Variants in POLQ observed in about 807,000 individuals in gnomAD.
POLQ encodes the protein DNA polymerase theta, also known as epididymis secretory sperm binding protein.
POLQ carries 233 observed loss-of-function variants against 259.2 expected under a neutral mutation model. The observed-to-expected ratio is 0.90, with a 90% confidence interval of 0.81 to 1.00. The LOEUF (loss-of-function observed/expected upper bound fraction) is 1.00. Ranked by LOEUF, POLQ falls within the 50% of genes least tolerant of loss-of-function variation. The pLI, the probability that POLQ is intolerant of heterozygous loss-of-function variation, is 0.00. For synonymous variants in POLQ, 1,025 were observed against 1,048.8 expected, an observed-to-expected ratio of 0.98 and a Z score of 0.44; for missense variants, 2,871 against 3,051.6, an observed-to-expected ratio of 0.94 and a Z score of 1.39.
chr3:121,455,862 A>G (rs979410978), intron 25 of POLQ, among the ~76,000 whole-genome samples: 5 of 152,198 alleles, frequency 3.3e-5, no homozygotes, highest in Admixed American at 6.5e-5. Context: ...GAAAAAGAGG[A>G]AATCCTCCCT....
intron 2 of POLQ, 26 bp downstream of exon 2, chr3:121,544,701 T>G (rs1348275993): frequency 4.2e-6 from 6 of 1,445,188 alleles, no homozygotes; most frequent in Non-Finnish European, 5.8e-6. Flanking sequence ...TTAAAAATAG[T>G]AATTAGTTTA....
chr3:121,535,833 AC>A (rs2048446740), intron 5 of POLQ, among the ~76,000 whole-genome samples: 1 of 152,124 alleles, frequency 6.6e-6, no homozygotes, highest in Non-Finnish European at 1.5e-5. Context: ...AGATATTCCC[AC>A]CAAAATGAGA....
At chr3:121,523,223 T>A (rs993598521) in intron 7 of POLQ, among the ~76,000 whole-genome samples, 11 of 151,968 alleles carry the variant, frequency 7.2e-5, no homozygotes, top group African/African-American at 2.7e-4. Context: ...TCTCCCTAGG[T>A]TGCCCAGGCT....
chr3:121,490,852 G>A (rs1307957791), intron 15 of POLQ, among the ~76,000 whole-genome samples: 9 of 152,046 alleles, frequency 5.9e-5, no homozygotes, highest in East Asian at 5.8e-4. Flanking sequence ...CAACGAGTTC[G>A]AGACCAGCCT....
At chr3:121,494,639 G>C in intron 14 of POLQ, 1 of 1,514,140 alleles carries the variant, frequency 6.6e-7, no homozygotes, top group African/African-American at 1.4e-5. Flanking sequence ...TCGTAAAATG[G>C]GGGTCCCTTA....
chr3:121,441,376 A>C (rs1336056720), intron 26 of POLQ, among the ~76,000 whole-genome samples: 1 of 152,200 alleles, frequency 6.6e-6, no homozygotes, highest in East Asian at 1.9e-4. Context: ...AAACATGTTC[A>C]TCTCCCTTTA....
At chr3:121,543,366 T>G (rs983595499) in intron 2 of POLQ, among the ~76,000 whole-genome samples, 1 of 152,210 alleles carries the variant, frequency 6.6e-6, no homozygotes, top group Non-Finnish European at 1.5e-5. Flanking sequence ...CTTTTATATA[T>G]GAAATAATTT....
intron 25 of POLQ, among the ~76,000 whole-genome samples, chr3:121,454,171 C>A (rs994525923): frequency 1.3e-5 from 2 of 152,154 alleles, no homozygotes; most frequent in Admixed American, 1.3e-4. Flanking sequence ...CCTTAACAGA[C>A]AAGCAAATGC....
chr3:121,526,792 C>A (rs1177111668), intron 7 of POLQ, among the ~76,000 whole-genome samples: 1 of 152,096 alleles, frequency 6.6e-6, no homozygotes, highest in Non-Finnish European at 1.5e-5. Context: ...CTTTAAGTTG[C>A]CATATGGACT....
rs77863175 is a variant in POLQ at position 121,524,911 on chromosome 3, C to T, written c.1109-2762G>A. ...TTTAAAATACATTTGTATATACATGCATGTGCGTGTATATTTGTGTATAAA... is the reference window on the plus strand; with the variant it reads ...TTTAAAATACATTTGTATATACATGTATGTGCGTGTATATTTGTGTATAAA... On this transcript the variant is annotated intron_variant, in intron 7 of 29. Coordinates refer to ENST00000264233, the MANE Select transcript of POLQ (RefSeq NM_199420.4). Among the ~76,000 whole-genome samples the T allele has an allele frequency of 7.4e-5, 11 of 147,842 alleles. No homozygotes were observed. The East Asian group carries it at 2.2e-3, about 30-fold the overall frequency.
At position 121,472,077 on chromosome 3, in the gene POLQ, C is replaced by T. The variant is rs201233627; in HGVS notation, c.6631G>A (p.Val2211Ile). The T allele has an allele frequency of 5.1e-6, 8 of 1,580,936 alleles. No individual in the cohort carries two copies. The highest frequency in any genetic ancestry group is 1.3e-5 in the African/African-American group (1 of 74,542). The change falls in exon 22 of 30, where the codon GTC (valine) becomes ATC (isoleucine). Residue 2211 changes from valine to isoleucine, a missense_variant. Physicochemically the swap from Val to Ile is conservative, Grantham distance 29. Transcript: ENST00000264233. ...RRITNAITKV[V>I]FPLQREKCLN... ...CACTTTTCCCGCTGAAGGGGAAAGA[C>T]CACTTTGGTAATAGCATTAGTGATT...
chr3:121,476,724 C>A lies in POLQ; in HGVS notation c.6221G>T (p.Arg2074Leu), dbSNP rs548651855. 4 of 1,596,490 alleles carry A rather than the reference C, an allele frequency of 2.5e-6. No individual in the cohort carries two copies. Among genetic ancestry groups the A allele is most frequent in the Admixed American group, 1.8e-5 (1 of 55,116 alleles). The change falls in exon 20 of 30, where the codon CGT becomes CTT. Residue 2074 changes from arginine to leucine, a missense_variant. By Grantham distance (102) the Arg-to-Leu change is moderately radical. Coordinates refer to ENST00000264233, the MANE Select transcript of POLQ (RefSeq NM_199420.4). ...GTACTGAGAGGGCATTTCCACCTTA[C>A]GGAAAACATCTGGAAGAAAAAAGAA... ...LQKENLQDVF[R>L]KVEMPSQYCL...
chr3:121,544,807 C>A lies in POLQ; in HGVS notation c.263G>T (p.Gly88Val). 6.2e-7 allele frequency: 1 copy of A among 1,613,186 alleles called. No individual in the cohort carries two copies. The highest frequency in any genetic ancestry group is 8.5e-7 in the Non-Finnish European group (1 of 1,179,144). Residue 88 changes from glycine (G) to valine (V), a missense_variant, in exon 2 of 30, where the codon GGT becomes GTT. By Grantham distance (109) the Gly-to-Val change is moderately radical. This residue lies in a region of POLQ where 783 missense variants were observed against 906.2 expected (regional missense o/e 0.86). Coordinates refer to ENST00000264233, the MANE Select transcript of POLQ (RefSeq NM_199420.4). ...CTGCCATTCAAACATCTTTTTTACA[C>A]CAAAACTGTGGTATTTTTCCAGAAC... Reference protein sequence around the residue: ...KAVLEKYHSFGVKKMFEWQAE... With the variant: ...KAVLEKYHSFVVKKMFEWQAE...
intron 9 of POLQ, among the ~76,000 whole-genome samples, chr3:121,512,545 T>C (rs1245966959): frequency 6.6e-6 from 1 of 152,206 alleles, no homozygotes; most frequent in Non-Finnish European, 1.5e-5. Flanking sequence ...TCTCCACAAT[T>C]TACTGCCCAT....
chr3:121,519,675 CAAAAAA>C (rs959037678), intron 9 of POLQ, among the ~76,000 whole-genome samples, 190 bp downstream of exon 9: 1 of 59,816 alleles, frequency 1.7e-5, no homozygotes. Context: ...GACTCCGTCT[CAAAAAA>C]AAAAAAAAAA....
At chr3:121,448,114 CCTT>C (rs909512991) in intron 26 of POLQ, among the ~76,000 whole-genome samples, 1 of 152,110 alleles carries the variant, frequency 6.6e-6, no homozygotes, top group African/African-American at 2.4e-5. Flanking sequence ...ACTCCTATCT[CCTT>C]CTCTACTCCT....
At chr3:121,437,048 G>GACT (rs1467318440) in intron 27 of POLQ, among the ~76,000 whole-genome samples, 1 of 152,056 alleles carries the variant, frequency 6.6e-6, no homozygotes, top group Admixed American at 6.6e-5. Flanking sequence ...AATGTAACAT[G>GACT]AGAGGTATTC....
chr3:121,535,759 C>CA (rs1485664519), intron 5 of POLQ, among the ~76,000 whole-genome samples: 4 of 148,092 alleles, frequency 2.7e-5, no homozygotes, highest in Admixed American at 2.0e-4. Flanking sequence ...CATTTTCAGA[C>CA]ATGCAAGTTC....
At position 121,481,452 on chromosome 3, in the gene POLQ, G is replaced by T. The variant is rs191841471; in HGVS notation, c.6211+120C>A. ...CTCTCTGGCCTTTTACAGAAAAAAA[G>T]CACTAGACAATCCAAAGGTAGGATT... On this transcript the variant is annotated intron_variant, in intron 19 of 29. Coordinates refer to ENST00000264233, the MANE Select transcript of POLQ (RefSeq NM_199420.4). 1,158 of 907,012 alleles carry T rather than the reference G, an allele frequency of 1.3e-3. 1 individual carries two copies. Among genetic ancestry groups the T allele is most frequent in the Non-Finnish European group, 1.7e-3 (1,041 of 599,094 alleles). 56.2% of individuals were successfully genotyped at this position (907,012 alleles called of 1,614,324 possible). A position where few individuals can be genotyped will look rare whatever the true frequency, so the allele number is the denominator to read the frequency against.
Sources: gnomAD v4.1 joint callset for allele counts (sites outside exome capture counted in the v4.1 genomes callset) on GRCh38, gnomAD v4.1.1 for gene constraint, gnomAD v4.1.1 regional missense constraint, MANE v1.5 for transcripts, NCBI Gene and HGNC (gene_info 2026-07-23, HGNC 2026-07-21) for gene names.